The following OPCML variants were observed in gnomAD, a reference collection of about 807,000 sequenced individuals.
OPCML encodes the protein opioid binding protein/cell adhesion molecule like.
Under a neutral mutation model 37.8 loss-of-function variants are expected in OPCML, and 13 were observed. The ratio of observed to expected loss-of-function variants is 0.34; its 90% CI spans 0.22 to 0.55. The LOEUF (loss-of-function observed/expected upper bound fraction) is 0.55. Ranked by LOEUF, OPCML falls within the 20% of genes least tolerant of loss-of-function variation. OPCML has a pLI of 0.91. For missense variants in OPCML, 341 were observed against 435.6 expected, an observed-to-expected ratio of 0.78 and a Z score of 1.93; for synonymous variants, 176 against 168.8, an observed-to-expected ratio of 1.04 and a Z score of -0.33.
rs562759617 is a variant in OPCML, at chr11:132,633,328, G to A, written c.379+23759C>T. On this transcript the variant is annotated intron_variant, in intron 3 of 7. Transcript: ENST00000524381. ...AGTGATTCTCCTGCCTCAGCCTCCCGAGTAGCTGGGACTACAGGTGCTGGT... is the reference window on the plus strand; with the variant it reads ...AGTGATTCTCCTGCCTCAGCCTCCCAAGTAGCTGGGACTACAGGTGCTGGT... Among the ~76,000 whole-genome samples, 73 of 152,040 alleles carry A rather than the reference G, an allele frequency of 4.8e-4. No individual in the cohort carries two copies. The South Asian group carries it at 0.01, about 21-fold the overall frequency.
intron 1 of OPCML, chr11:133,008,839 G>A: frequency 2.1e-6 from 2 of 959,314 alleles, no homozygotes; most frequent in South Asian, 4.8e-5. Context: ...CTGAACAAAA[G>A]TCTCCATCTG....
chr11:133,530,966 T>G (rs943717883), intron 1 of OPCML, among the ~76,000 whole-genome samples: 2 of 152,160 alleles, frequency 1.3e-5, no homozygotes, highest in Non-Finnish European at 2.9e-5. Flanking sequence ...AACATAAAAC[T>G]GTATGTTTTA....
chr11:133,087,304 T>G (rs1024309177), intron 1 of OPCML, among the ~76,000 whole-genome samples: 5 of 152,208 alleles, frequency 3.3e-5, no homozygotes, highest in Non-Finnish European at 7.3e-5. Flanking sequence ...AAGTATTATT[T>G]TAGGTGTAGG....
chr11:133,426,845 G>C (rs1487641531), intron 1 of OPCML, among the ~76,000 whole-genome samples: 1 of 152,196 alleles, frequency 6.6e-6, no homozygotes, highest in Non-Finnish European at 1.5e-5. Context: ...GTTAGAAATA[G>C]TAGTATGAGT....
At chr11:133,157,407 C>A (rs1041311410) in intron 1 of OPCML, among the ~76,000 whole-genome samples, 1 of 152,160 alleles carries the variant, frequency 6.6e-6, no homozygotes, top group Non-Finnish European at 1.5e-5. Flanking sequence ...GGGGACACAA[C>A]GTCAGCTGTC....
intron 2 of OPCML, among the ~76,000 whole-genome samples, chr11:132,696,856 G>T (rs1174478873): frequency 1.6e-4 from 24 of 152,078 alleles, no homozygotes; most frequent in Admixed American, 1.6e-3. Flanking sequence ...TTAGGAAATA[G>T]AAGAAAATGT....
chr11:132,680,683 G>T (rs1036433047), intron 2 of OPCML, among the ~76,000 whole-genome samples: 1 of 152,174 alleles, frequency 6.6e-6, no homozygotes, highest in Non-Finnish European at 1.5e-5. Context: ...ATTTTACTTA[G>T]TGTCAACGAT....
At chr11:132,976,027 A>C (rs893226939) in intron 1 of OPCML, among the ~76,000 whole-genome samples, 67 of 152,278 alleles carry the variant, frequency 4.4e-4, no homozygotes, top group Admixed American at 1.9e-3. Context: ...ACCTCGGCCT[A>C]GCTATCTCTT....
intron 4 of OPCML, among the ~76,000 whole-genome samples, chr11:132,440,240 C>A (rs1439060418): frequency 6.6e-6 from 1 of 151,776 alleles, no homozygotes; most frequent in African/African-American, 2.4e-5. Flanking sequence ...AAATGGGGAT[C>A]GTTATAATAC....
intron 1 of OPCML, among the ~76,000 whole-genome samples, chr11:133,064,224 A>G (rs934011836): frequency 2.0e-5 from 3 of 152,140 alleles, no homozygotes; most frequent in Non-Finnish European, 4.4e-5. Context: ...ACCCCAGCGC[A>G]ACCCAGCGCG....
intron 1 of OPCML, among the ~76,000 whole-genome samples, chr11:133,152,688 C>T (rs925078385): frequency 1.9e-4 from 29 of 152,090 alleles, no homozygotes; most frequent in African/African-American, 6.8e-4. Context: ...TAATTTCTCT[C>T]TAATTGATGC....
At chr11:133,499,323 A>G (rs1477021586) in intron 1 of OPCML, among the ~76,000 whole-genome samples, 7 of 152,230 alleles carry the variant, frequency 4.6e-5, no homozygotes, top group Admixed American at 1.3e-4. Context: ...CGCATTCCCA[A>G]TAGGAAAGAA....
intron 3 of OPCML, among the ~76,000 whole-genome samples, chr11:132,562,710 G>C (rs923521171): frequency 1.3e-5 from 2 of 152,038 alleles, no homozygotes; most frequent in Non-Finnish European, 2.9e-5. Flanking sequence ...TTTGATGTGG[G>C]TGGGTCCTGG....
At chr11:133,484,093 AATAGATAGATTAGATAGATG>A (rs1201815152) in intron 1 of OPCML, among the ~76,000 whole-genome samples, 1 of 149,702 alleles carries the variant, frequency 6.7e-6, no homozygotes, top group Non-Finnish European at 1.5e-5. Flanking sequence ...TTCATAGATG[AATAGATAGATTAGATAGATG>A]ATAGATAGAT....
chr11:132,697,375 C>G (rs1329450204), intron 2 of OPCML, among the ~76,000 whole-genome samples: 1 of 152,144 alleles, frequency 6.6e-6, no homozygotes, highest in African/African-American at 2.4e-5. Flanking sequence ...ATTAGGTTTA[C>G]AGAACTTAGT....
At chr11:132,782,656 A>C (rs532472389) in intron 2 of OPCML, among the ~76,000 whole-genome samples, 1 of 152,014 alleles carries the variant, frequency 6.6e-6, no homozygotes, top group African/African-American at 2.4e-5. Context: ...CAGAAGAATA[A>C]AAACTTTCTC....
intron 1 of OPCML, among the ~76,000 whole-genome samples, chr11:133,473,473 G>C (rs1210986194): frequency 6.6e-6 from 1 of 152,160 alleles, no homozygotes; most frequent in Non-Finnish European, 1.5e-5. Flanking sequence ...AAGTTGAATT[G>C]CTGAGTCAAG....
intron 1 of OPCML, among the ~76,000 whole-genome samples, chr11:133,278,517 T>A (rs915031814): frequency 6.6e-6 from 1 of 152,090 alleles, no homozygotes; most frequent in African/African-American, 2.4e-5. Context: ...CTCATTACGT[T>A]CTTATGAGGG....
At chr11:133,419,815 A>G (rs1003272979) in intron 1 of OPCML, among the ~76,000 whole-genome samples, 2 of 152,236 alleles carry the variant, frequency 1.3e-5, no homozygotes, top group Non-Finnish European at 2.9e-5. Context: ...TGAATAGCAC[A>G]AAAAATTCAG....
Sources: allele counts gnomAD v4.1 joint callset (sites outside exome capture counted in the v4.1 genomes callset), GRCh38; gene constraint gnomAD v4.1.1; transcripts MANE v1.5; gene names NCBI Gene and HGNC (gene_info 2026-07-23, HGNC 2026-07-21).